Variants in MTCL1 observed in about 807,000 individuals in gnomAD.
The protein encoded by MTCL1 is microtubule crosslinking factor 1, also known as microtubule cross-linking factor 1.
MTCL1 carries 79 observed loss-of-function variants against 141.4 expected under a neutral mutation model. The observed-to-expected ratio is 0.56, with a 90% confidence interval of 0.47 to 0.67. The LOEUF (loss-of-function observed/expected upper bound fraction) is 0.67, where lower values mean the gene tolerates loss of function less well. MTCL1 is among the 30% of genes least tolerant of loss of function. MTCL1 has a pLI of 0.00. For synonymous variants in MTCL1, 914 were observed against 875.8 expected (o/e 1.04, Z -0.77); for missense variants, 2,177 against 2,113.9 (o/e 1.03, Z -0.59).
At chr18:8,759,499 G>T (rs1388157099) in intron 4 of MTCL1, among the ~76,000 whole-genome samples, 3 of 152,164 alleles carry the variant, frequency 2.0e-5, no homozygotes, top group African/African-American at 7.2e-5. Context: ...GCTGTGCTTA[G>T]ATCATTTTGA....
chr18:8,786,405 C>T, intron 7 of MTCL1: 1 of 577,554 alleles, frequency 1.7e-6, no homozygotes. Context: ...GGCTTCTTGT[C>T]CAGTCGCAGA....
chr18:8,805,443 C>CTTT (rs2076267051), intron 10 of MTCL1, among the ~76,000 whole-genome samples: 1 of 152,342 alleles, frequency 6.6e-6, no homozygotes, highest in South Asian at 2.1e-4. Context: ...TGATTTCATT[C>CTTT]TTTTTTGTGG....
chr18:8,712,876 A>T (rs1598357804), upstream of MTCL1, among the ~76,000 whole-genome samples: 1 of 152,242 alleles, frequency 6.6e-6, no homozygotes, highest in East Asian at 1.9e-4. Context: ...TCCTTCTACC[A>T]TCCAAACTGG....
intron 4 of MTCL1, among the ~76,000 whole-genome samples, chr18:8,775,293 G>A (rs759164007): frequency 2.2e-4 from 34 of 151,958 alleles, no homozygotes; most frequent in Non-Finnish European, 3.7e-4. Flanking sequence ...ACTTCTGGCC[G>A]GGCACGGTGG....
At chr18:8,788,347 C>T (rs1173753945) in intron 7 of MTCL1, among the ~76,000 whole-genome samples, 1 of 151,936 alleles carries the variant, frequency 6.6e-6, no homozygotes, top group Non-Finnish European at 1.5e-5. Context: ...GCCCGTAGCT[C>T]CTCAGGGGTG....
In MTCL1 at chr18:8,785,750, A is replaced by G. The variant is rs1017875066; in HGVS notation, c.1732-186A>G. ...GGGTCTGTTTTCTTCACTTTCTTAC[A>G]CCACTGTCTTTAAGCCTGTGTTTCT... On this transcript the variant is annotated intron_variant, in intron 6 of 16. Transcript: ENST00000359865. 4 of 679,188 alleles carry G rather than the reference A, an allele frequency of 5.9e-6. No homozygotes were observed. The Admixed American group carries it at 1.2e-4, about 21-fold the overall frequency. 42.1% of individuals were successfully genotyped at this position (679,188 alleles called of 1,614,324 possible). A position where few individuals can be genotyped will look rare whatever the true frequency, so the allele number is the denominator to read the frequency against.
chr18:8,736,616 G>A (rs1197154462), intron 4 of MTCL1, among the ~76,000 whole-genome samples: 4 of 151,430 alleles, frequency 2.6e-5, no homozygotes, highest in African/African-American at 9.7e-5. Flanking sequence ...CATACATTGG[G>A]GGCCTTCTAT....
In MTCL1 at chr18:8,789,454, T is replaced by C. The variant is rs1013879322; in HGVS notation, c.1887+3363T>C. On this transcript the variant is annotated intron_variant, in intron 7 of 16. Coordinates refer to ENST00000359865, the Ensembl canonical transcript of MTCL1. ...CTTCCTTTTCTGTTTGTGTTTGAGATTGTGAAGTTATCTTCTTAAGTGTGG... is the reference window on the plus strand; with the variant it reads ...CTTCCTTTTCTGTTTGTGTTTGAGACTGTGAAGTTATCTTCTTAAGTGTGG... The C allele has an allele frequency of 6.1e-6, 6 of 985,348 alleles. No individual in the cohort carries two copies. In the African/African-American group the frequency reaches 1.0e-4, roughly 17 times the overall value. 61.0% of individuals were successfully genotyped at this position (985,348 alleles called of 1,614,324 possible). A position where few individuals can be genotyped will look rare whatever the true frequency, so the allele number is the denominator to read the frequency against.
intron 13 of MTCL1, among the ~76,000 whole-genome samples, chr18:8,819,778 G>C (rs141580055): frequency 2.6e-5 from 4 of 151,916 alleles, no homozygotes; most frequent in Non-Finnish European, 4.4e-5. Context: ...AATTTATTTT[G>C]TTTTATTTTT....
intron 4 of MTCL1, among the ~76,000 whole-genome samples, chr18:8,731,244 C>CA (rs200255640): frequency 0.01 from 1,550 of 150,596 alleles, 31 homozygotes; most frequent in African/African-American, 0.036. Context: ...GACTCCATCT[C>CA]AAAAAAAGAT....
chr18:8,721,497 C>T (rs529057593), intron 4 of MTCL1, among the ~76,000 whole-genome samples: 10 of 152,328 alleles, frequency 6.6e-5, no homozygotes, highest in African/African-American at 2.2e-4. Context: ...TCTGCTTCTG[C>T]CCCCACCCCT....
At chr18:8,776,741 ATTT>A (rs2096511318) in intron 4 of MTCL1, among the ~76,000 whole-genome samples, 1 of 149,570 alleles carries the variant, frequency 6.7e-6, no homozygotes, top group South Asian at 2.1e-4. Context: ...TTATTTATTT[ATTT>A]ATTTATTTAT....
At chr18:8,824,809 C>G in exon 15 of MTCL1, 1 of 1,614,184 alleles carries the variant, frequency 6.2e-7, no homozygotes. Context: ...GTCACCCCAC[C>G]CCTGTCTCCA....
chr18:8,791,625 G>A (rs1232163781), intron 7 of MTCL1, among the ~76,000 whole-genome samples: 2 of 152,146 alleles, frequency 1.3e-5, no homozygotes, highest in African/African-American at 2.4e-5. Flanking sequence ...CAGGAGAAGA[G>A]TATGTCACCA....
intron 13 of MTCL1, 129 bp from the exon 13 acceptor site, chr18:8,821,338 C>A: frequency 1.6e-6 from 1 of 617,456 alleles, no homozygotes. Context: ...CTAACCAGAG[C>A]TTGGCCTCAG....
chr18:8,711,502 A>G (rs2096092223), intron 1 of MTCL1, among the ~76,000 whole-genome samples: 1 of 141,376 alleles, frequency 7.1e-6, no homozygotes, highest in Non-Finnish European at 1.5e-5. Context: ...TTACAGTCCC[A>G]CCAACAGTGT....
intron 4 of MTCL1, among the ~76,000 whole-genome samples, chr18:8,774,866 G>A (rs2096499467): frequency 6.6e-6 from 1 of 152,112 alleles, no homozygotes; most frequent in African/African-American, 2.4e-5. Context: ...GTGAATGGAG[G>A]AGGAGTGTCC....
chr18:8,829,098 G>A, intron 16 of MTCL1: 1 of 1,531,856 alleles, frequency 6.5e-7, no homozygotes, highest in Non-Finnish European at 8.8e-7. Flanking sequence ...AGTTCCAGGA[G>A]GTTCGCCTAA....
At chr18:8,800,231 TCA>T (rs1000129512) in intron 10 of MTCL1, among the ~76,000 whole-genome samples, 1 of 152,192 alleles carries the variant, frequency 6.6e-6, no homozygotes, top group African/African-American at 2.4e-5. Flanking sequence ...GGTACGTGTC[TCA>T]CAGAGCTGCA....
Sources: allele counts gnomAD v4.1 joint callset (sites outside exome capture counted in the v4.1 genomes callset), GRCh38; gene constraint gnomAD v4.1.1; transcripts MANE v1.5; gene names NCBI Gene and HGNC (gene_info 2026-07-23, HGNC 2026-07-21).